The following FBXO21 variants were observed in gnomAD, a reference collection of about 807,000 sequenced individuals.
FBXO21 encodes F-box only protein 21.
A neutral mutation model predicts 76.6 loss-of-function variants in FBXO21; 32 were observed. That is an observed-to-expected ratio of 0.42 (90% CI 0.32 to 0.56). FBXO21 has a LOEUF of 0.56. Ranked by LOEUF, FBXO21 falls within the 20% of genes least tolerant of loss-of-function variation. The pLI is 0.16. For missense variants in FBXO21, 586 were observed against 797.3 expected (o/e 0.73, Z 3.19); for synonymous variants, 328 against 311.5 (o/e 1.05, Z -0.56).
chr12:117,156,759 G>A (rs12422378), intron 10 of FBXO21, among the ~76,000 whole-genome samples: 55,275 of 152,008 alleles, frequency 0.36, 11,684 homozygotes, highest in Admixed American at 0.55. Context: ...TTAAAAAAAT[G>A]CAATAAAGAA....
intron 11 of FBXO21, among the ~76,000 whole-genome samples, chr12:117,150,955 T>TC (rs1955834052): frequency 1.5e-5 from 1 of 66,680 alleles, no homozygotes; most frequent in Admixed American, 2.0e-4. Flanking sequence ...ATCAAATAAG[T>TC]TTGTGTGTGT....
chr12:117,184,047 A>G (rs1376229298), intron 3 of FBXO21, among the ~76,000 whole-genome samples: 1 of 152,054 alleles, frequency 6.6e-6, no homozygotes, highest in Non-Finnish European at 1.5e-5. Flanking sequence ...TGTTTGGATT[A>G]TAAGTAGCTT....
intron 1 of FBXO21, 76 bp downstream of exon 1, chr12:117,190,142 C>G: frequency 2.5e-6 from 2 of 788,670 alleles, no homozygotes; most frequent in Non-Finnish European, 3.1e-6. Context: ...CCGCGGGGAG[C>G]TAGCGGGGCG....
At chr12:117,147,305 AAAG>A (rs1213654519) in intron 11 of FBXO21, among the ~76,000 whole-genome samples, 55 of 128,692 alleles carry the variant, frequency 4.3e-4, no homozygotes, top group Middle Eastern at 4.6e-3. Context: ...AAAAAAAAAA[AAAG>A]AAAAAAAAAA....
intron 9 of FBXO21, among the ~76,000 whole-genome samples, chr12:117,159,678 C>T (rs1955956119): frequency 6.6e-6 from 1 of 152,202 alleles, no homozygotes; most frequent in Non-Finnish European, 1.5e-5. Flanking sequence ...CGCCTACTGA[C>T]AGTGCCTGCA....
At chr12:117,186,705 T>A in intron 2 of FBXO21, 134 bp from the exon 3 acceptor site, 2 of 579,934 alleles carry the variant, frequency 3.4e-6, no homozygotes, top group Non-Finnish European at 6.1e-6. Flanking sequence ...TACCTTGCAC[T>A]ACCAGTCATG....
At chr12:117,173,314 G>T (rs755872531) in intron 6 of FBXO21, among the ~76,000 whole-genome samples, 30 of 152,194 alleles carry the variant, frequency 2.0e-4, no homozygotes, top group Non-Finnish European at 3.8e-4. Flanking sequence ...TACAATGTAA[G>T]CCATCATGCC....
chr12:117,172,571 A>G lies in FBXO21; in HGVS notation c.913T>C (p.Ser305Pro). ...CGAGCAATTGTCAAATAGAGCAGAG[A>G]CATGCTGATTGGGATTCCTGTTCTG... is the stretch of plus-strand genomic sequence containing the variant. The part of the protein sequence containing the change: ...IRRTGIPISM[S>P]LLYLTIARQL... The change falls in exon 7 of 12, where the codon TCT (serine) becomes CCT (proline). Residue 305 changes from serine to proline, a missense_variant. Physicochemically the swap from Ser to Pro is moderately conservative, Grantham distance 74. Around this residue, in one of 6 missense-constraint regions of FBXO21, gnomAD observed 246 missense variants for 356.8 expected, o/e 0.69. Transcript: ENST00000622495. 1 of 1,613,900 alleles carries G rather than the reference A, an allele frequency of 6.2e-7. No individual in the cohort carries two copies. The highest frequency in any genetic ancestry group is 8.5e-7 in the Non-Finnish European group (1 of 1,179,776).
intron 3 of FBXO21, 142 bp downstream of exon 3, chr12:117,186,335 C>G: frequency 1.5e-6 from 1 of 666,420 alleles, no homozygotes; most frequent in Admixed American, 2.8e-5. Flanking sequence ...ACCTAATATA[C>G]ACAGAACTTT....
chr12:117,181,629 C>CTATT (rs1202970548), intron 3 of FBXO21, among the ~76,000 whole-genome samples: 1 of 151,880 alleles, frequency 6.6e-6, no homozygotes, highest in Non-Finnish European at 1.5e-5. Context: ...ATCTATCTAT[C>CTATT]TATCTATCTA....
chr12:117,179,087 G>C (rs758627601), intron 3 of FBXO21, among the ~76,000 whole-genome samples: 3 of 152,182 alleles, frequency 2.0e-5, no homozygotes, highest in Non-Finnish European at 4.4e-5. Flanking sequence ...ACATCATGAA[G>C]AAACAAACAA....
intron 11 of FBXO21, among the ~76,000 whole-genome samples, chr12:117,150,531 A>G (rs777440929): frequency 6.6e-6 from 1 of 152,226 alleles, no homozygotes; most frequent in Non-Finnish European, 1.5e-5. Flanking sequence ...GTACTTAAAC[A>G]AAACGTATTC....
chr12:117,175,648 C>T (rs1042381462), intron 4 of FBXO21, among the ~76,000 whole-genome samples: 1 of 152,196 alleles, frequency 6.6e-6, no homozygotes, highest in African/African-American at 2.4e-5. Context: ...CCTCCGAGGG[C>T]CCCAGCTTCC....
At position 117,183,707 on chromosome 12, in the gene FBXO21, A is replaced by G. The variant is rs1051831009; in HGVS notation, c.470+2770T>C. ...TGACTTCGTTCATGCTCTCTTGGCC[A>G]TATAGAAGTGTCTGCTCTTTCACTG... On this transcript the variant is annotated intron_variant, in intron 3 of 11. Transcript: ENST00000622495. Among the ~76,000 whole-genome samples, 17 of 152,206 alleles carry G rather than the reference A, an allele frequency of 1.1e-4. No homozygotes were observed. The East Asian group carries it at 1.7e-3, about 15-fold the overall frequency.
In FBXO21 at chr12:117,143,645, G is replaced by A. The variant is rs1045713903; in HGVS notation, c.*2442C>T. On this transcript the variant is annotated 3_prime_UTR_variant, in exon 12 of 12. Transcript: ENST00000622495. ...GGAGGTCATGGTTTACAGGTAGGCT[G>A]TCCGCTCACCAATGCTCAGAAAAAT... The A allele has an allele frequency of 1.3e-5, 2 of 152,530 alleles. No individual in the cohort carries two copies. Among genetic ancestry groups the A allele is most frequent in the Admixed American group, 6.5e-5 (1 of 15,282 alleles). The allele number at this position is 152,530 out of a possible 1,614,324, so 9.4% of individuals were successfully genotyped here.
At chr12:117,185,641 C>T (rs1001503389) in intron 3 of FBXO21, among the ~76,000 whole-genome samples, 20 of 152,114 alleles carry the variant, frequency 1.3e-4, no homozygotes, top group South Asian at 4.1e-4. Flanking sequence ...TCCCTAAGTA[C>T]GCAGTTTTCT....
At chr12:117,179,606 C>A (rs1327490610) in intron 3 of FBXO21, among the ~76,000 whole-genome samples, 2 of 152,196 alleles carry the variant, frequency 1.3e-5, no homozygotes, top group African/African-American at 2.4e-5. Context: ...GTAGAGGCTA[C>A]ATGAGATACA....
chr12:117,161,154 C>T (rs973752739), intron 9 of FBXO21, among the ~76,000 whole-genome samples: 6 of 152,000 alleles, frequency 3.9e-5, no homozygotes, highest in African/African-American at 2.4e-5. Context: ...ATGACCTGGC[C>T]GCACACAGGA....
intron 9 of FBXO21, among the ~76,000 whole-genome samples, chr12:117,159,881 C>T (rs1310403728): frequency 2.0e-5 from 3 of 152,200 alleles, no homozygotes; most frequent in Non-Finnish European, 2.9e-5. Context: ...CCCCCACCTT[C>T]GCTGGATGTG....
Sources: gnomAD v4.1 joint callset for allele counts (sites outside exome capture counted in the v4.1 genomes callset) on GRCh38, gnomAD v4.1.1 for gene constraint, gnomAD v4.1.1 regional missense constraint, MANE v1.5 for transcripts, NCBI Gene and HGNC (gene_info 2026-07-23, HGNC 2026-07-21) for gene names.